The following NCR1 variants were observed in gnomAD, a reference collection of about 807,000 sequenced individuals.
NCR1 encodes NK cell-activating receptor.
In NCR1, 30 loss-of-function variants were observed where a neutral mutation model predicts 32.5. The observed-to-expected ratio is 0.92, with a 90% CI of 0.69 to 1.25. NCR1 has a LOEUF of 1.25. Ranked by LOEUF, NCR1 falls within the 50% of genes most tolerant of loss-of-function variation. NCR1 has a pLI of 0.00. For missense variants in NCR1, 369 were observed against 380.7 expected (o/e 0.97, Z 0.26); for synonymous variants, 169 against 143.4 (o/e 1.18, Z -1.28).
At chr19:54,929,064 G>A in the NCR1 span, among the ~76,000 whole-genome samples, 1 of 152,080 alleles carries the variant, frequency 6.6e-6, no homozygotes, top group African/African-American at 2.4e-5. Flanking sequence ...TTCCTCAGGG[G>A]GATGGGTTAA....
chr19:54,924,012 G>A, the NCR1 span: 1 of 907,566 alleles, frequency 1.1e-6, no homozygotes. Flanking sequence ...CTGTTGCCCA[G>A]GCTGGGGTAC....
chr19:54,929,247 TA>T, the NCR1 span, among the ~76,000 whole-genome samples: 1 of 152,136 alleles, frequency 6.6e-6, no homozygotes, highest in African/African-American at 2.4e-5. Context: ...TGCACGCCTG[TA>T]ATCCCAACTA....
chr19:54,917,271 C>T (rs928945763), downstream of NCR1, among the ~76,000 whole-genome samples: 3 of 150,842 alleles, frequency 2.0e-5, no homozygotes, highest in African/African-American at 7.3e-5. Context: ...GTCGAGATTG[C>T]GCCACTGCAC....
chr19:54,927,800 C>G, the NCR1 span: 27,489 of 1,605,804 alleles, frequency 0.017, 1,674 homozygotes, highest in African/African-American at 0.16. Flanking sequence ...CATGGAAATC[C>G]ACGCATTCAC....
the NCR1 span, among the ~76,000 whole-genome samples, chr19:54,925,726 C>T: frequency 2.0e-5 from 3 of 152,174 alleles, no homozygotes; most frequent in Middle Eastern, 3.4e-3. Flanking sequence ...AGGCCGGGCG[C>T]GGTGGCTCAC....
chr19:54,903,478 A>G (rs759986271), upstream of NCR1, among the ~76,000 whole-genome samples: 1 of 145,600 alleles, frequency 6.9e-6, no homozygotes, highest in Non-Finnish European at 1.5e-5. Flanking sequence ...ACACGGATAC[A>G]TGTATGTATA....
At chr19:54,925,339 C>T in the NCR1 span, among the ~76,000 whole-genome samples, 1 of 152,118 alleles carries the variant, frequency 6.6e-6, no homozygotes, top group Admixed American at 6.6e-5. Flanking sequence ...ACCCCTAAAA[C>T]CTTAACCCAT....
intron 6 of NCR1, 148 bp from the exon 7 acceptor site, chr19:54,912,542 T>C: frequency 1.5e-6 from 1 of 656,448 alleles, no homozygotes; most frequent in Admixed American, 3.5e-5. Flanking sequence ...GAGGTTGCAG[T>C]GAGCCGAGAT....
At chr19:54,937,026 G>A in the NCR1 span, among the ~76,000 whole-genome samples, 1 of 151,850 alleles carries the variant, frequency 6.6e-6, no homozygotes, top group Non-Finnish European at 1.5e-5. Flanking sequence ...AGACCATCCT[G>A]GCTAACACGG....
rs139514823 is a variant in NCR1, at chr19:54,908,329, C to G, written c.356-916C>G. 0.011 allele frequency among the ~76,000 whole-genome samples: 1,734 copies of G among 152,242 alleles called. 65 individuals are homozygous for G. In the East Asian group the frequency reaches 0.13, roughly 12 times the overall value. ...GGTAAGGTCATAGATTAACAGCATCCCAAAGCAGAAGAATTTGTCTTAGTA... is the reference window on the plus strand; with the variant it reads ...GGTAAGGTCATAGATTAACAGCATCGCAAAGCAGAAGAATTTGTCTTAGTA... On this transcript the variant is annotated intron_variant, in intron 3 of 6. Transcript: ENST00000291890.
downstream of NCR1, among the ~76,000 whole-genome samples, chr19:54,918,719 C>T (rs1172990483): frequency 1.3e-5 from 2 of 151,688 alleles, no homozygotes; most frequent in African/African-American, 4.8e-5. Flanking sequence ...GTGGCTCACG[C>T]CTGTAATCCC....
chr19:54,901,113 T>G, the NCR1 span, among the ~76,000 whole-genome samples: 1 of 122,318 alleles, frequency 8.2e-6, no homozygotes. Context: ...TGAAACCCCA[T>G]CTCTACTTTG....
the NCR1 span, among the ~76,000 whole-genome samples, chr19:54,900,296 A>T: frequency 4.7e-5 from 7 of 150,098 alleles, no homozygotes; most frequent in Non-Finnish European, 1.5e-5. Flanking sequence ...CAGCAAAGGG[A>T]GATAGGAGTG....
the NCR1 span, among the ~76,000 whole-genome samples, chr19:54,926,798 C>G: frequency 6.6e-6 from 1 of 151,688 alleles, no homozygotes; most frequent in Non-Finnish European, 1.5e-5. Context: ...CGACTGTAAT[C>G]CTAGCTACTC....
At chr19:54,937,900 C>CAAA in the NCR1 span, 34,180 of 496,514 alleles carry the variant, frequency 0.069, 621 homozygotes, top group African/African-American at 0.088. Context: ...TCCGTCTCAC[C>CAAA]AAAAAAAAAA....
chr19:54,925,109 T>C, the NCR1 span, among the ~76,000 whole-genome samples: 2 of 152,154 alleles, frequency 1.3e-5, no homozygotes, highest in Non-Finnish European at 2.9e-5. Context: ...GCTTGCTATG[T>C]TGCCCAGGCT....
At chr19:54,932,620 C>T in the NCR1 span, among the ~76,000 whole-genome samples, 1 of 152,054 alleles carries the variant, frequency 6.6e-6, no homozygotes, top group African/African-American at 2.4e-5. Context: ...CAACCTGCCA[C>T]CTATGTCTTT....
downstream of NCR1, chr19:54,916,142 G>A (rs269917): frequency 0.64 from 96,870 of 151,478 alleles, 31,564 homozygotes; most frequent in East Asian, 0.88. Context: ...GCTTTGCTAT[G>A]TGTGTGTATC....
At chr19:54,936,548 G>A in the NCR1 span, 13 of 891,626 alleles carry the variant, frequency 1.5e-5, no homozygotes, top group Non-Finnish European at 2.0e-5. Context: ...TTGGCCGGGT[G>A]CAGTGGCTCG....
Sources: allele counts gnomAD v4.1 joint callset (sites outside exome capture counted in the v4.1 genomes callset), GRCh38; gene constraint gnomAD v4.1.1; transcripts MANE v1.5; gene names NCBI Gene and HGNC (gene_info 2026-07-23, HGNC 2026-07-21).